The following HNRNPC variants were observed in gnomAD, a reference collection of about 807,000 sequenced individuals.
The protein encoded by HNRNPC is heterogeneous nuclear ribonucleoproteins C1/C2.
HNRNPC carries 3 observed loss-of-function variants against 33.2 expected under a neutral mutation model. The observed-to-expected ratio is 0.09, with a 90% CI of 0.04 to 0.23. The LOEUF is 0.23. Among genes scored for constraint, HNRNPC ranks in the 10% least tolerant of loss-of-function variants. The pLI is 1.00. For missense variants in HNRNPC, 143 were observed against 366.7 expected (o/e 0.39, Z 4.98); for synonymous variants, 121 against 126.7 (o/e 0.96, Z 0.30).
intron 2 of HNRNPC, among the ~76,000 whole-genome samples, chr14:21,242,234 C>T (rs1258987210): frequency 6.6e-6 from 1 of 152,212 alleles, no homozygotes; most frequent in Non-Finnish European, 1.5e-5. Context: ...CCTGTAATCC[C>T]AGCACTTTGG....
chr14:21,215,652 A>G (rs971180018), intron 5 of HNRNPC, among the ~76,000 whole-genome samples: 3 of 152,164 alleles, frequency 2.0e-5, no homozygotes, highest in Admixed American at 2.0e-4. Context: ...TGTAATCCCA[A>G]CATTTTGGGA....
At chr14:21,239,530 A>G (rs1040427649) in intron 2 of HNRNPC, among the ~76,000 whole-genome samples, 1 of 152,032 alleles carries the variant, frequency 6.6e-6, no homozygotes, top group African/African-American at 2.4e-5. Flanking sequence ...TTTCTTTCTT[A>G]AACTCAACAT....
At chr14:21,212,091 G>A (rs1438303660) in intron 6 of HNRNPC, 168 bp from the exon 7 acceptor site, 8 of 591,906 alleles carry the variant, frequency 1.4e-5, no homozygotes, top group African/African-American at 7.5e-5. Context: ...TATAAAGCAC[G>A]TTCTGTAATG....
chr14:21,215,101 A>G (rs1490378345), intron 5 of HNRNPC, among the ~76,000 whole-genome samples: 1 of 152,224 alleles, frequency 6.6e-6, no homozygotes, highest in Non-Finnish European at 1.5e-5. Flanking sequence ...TCTATGTAAC[A>G]GTCTCATGAA....
chr14:21,247,423 T>A (rs928112304), intron 2 of HNRNPC, among the ~76,000 whole-genome samples: 3 of 152,198 alleles, frequency 2.0e-5, no homozygotes, highest in Non-Finnish European at 4.4e-5. Flanking sequence ...TCGTGACATA[T>A]TTCAATTTTT....
chr14:21,259,498 A>AATACCTC (rs1877807693), intron 2 of HNRNPC, among the ~76,000 whole-genome samples: 1 of 152,166 alleles, frequency 6.6e-6, no homozygotes, highest in South Asian at 2.1e-4. Context: ...ATGTTCCTTG[A>AATACCTC]ATACCTCCAA....
intron 2 of HNRNPC, among the ~76,000 whole-genome samples, chr14:21,238,711 TTC>T (rs1895011737): frequency 6.6e-6 from 1 of 152,160 alleles, no homozygotes; most frequent in Non-Finnish European, 1.5e-5. Context: ...TCTAGAATTT[TTC>T]TTTTTTTAAT....
At chr14:21,212,827 G>A in intron 6 of HNRNPC, 133 bp downstream of exon 6, 1 of 1,155,092 alleles carries the variant, frequency 8.7e-7, no homozygotes, top group South Asian at 1.4e-5. Flanking sequence ...ACAGGCATGA[G>A]CCACCACACA....
At chr14:21,227,377 T>C (rs941487899) in intron 5 of HNRNPC, among the ~76,000 whole-genome samples, 2 of 152,224 alleles carry the variant, frequency 1.3e-5, no homozygotes, top group Admixed American at 6.5e-5. Context: ...TTGCCAGCTA[T>C]TACCTAGTTG....
intron 2 of HNRNPC, among the ~76,000 whole-genome samples, chr14:21,250,803 TAAA>T (rs754006854): frequency 3.3e-5 from 5 of 152,062 alleles, no homozygotes; most frequent in Non-Finnish European, 7.4e-5. Context: ...AGCCAAGTAA[TAAA>T]AAAGGAGTGA....
At chr14:21,236,885 A>G (rs1894751658) in intron 2 of HNRNPC, among the ~76,000 whole-genome samples, 1 of 152,182 alleles carries the variant, frequency 6.6e-6, no homozygotes, top group Admixed American at 6.5e-5. Flanking sequence ...TTTAAATCAA[A>G]ATTCCAAAAT....
chr14:21,221,823 A>G lies in HNRNPC; in HGVS notation c.365+8496T>C, dbSNP rs143593384. On this transcript the variant is annotated intron_variant, in intron 5 of 8. Transcript: ENST00000553300. ...TCAGCACTTTGAGGCCGAGGCAGGC[A>G]GATCACGAGGTCAGGAGATCAAGAC... Among the ~76,000 whole-genome samples, 70 of 152,232 alleles carry G rather than the reference A, an allele frequency of 4.6e-4. 1 individual carries two copies. Among genetic ancestry groups the G allele is most frequent in the African/African-American group, 1.6e-3 (65 of 41,550 alleles).
In HNRNPC at chr14:21,234,299, A is replaced by G. The variant is rs1894427707; in HGVS notation, c.-36-70T>C. The G allele has an allele frequency of 3.6e-6, 5 of 1,371,472 alleles. No homozygotes were observed. The East Asian group carries it at 9.4e-5, about 26-fold the overall frequency. The allele number at this position is 1,371,472 out of a possible 1,614,324, so 85.0% of individuals were successfully genotyped here. On this transcript the variant is annotated intron_variant, in intron 2 of 8. Coordinates refer to ENST00000553300, the MANE Select transcript of HNRNPC (RefSeq NM_004500.4). ...AATATTCCTTGATAAAACATTCTCC[A>G]CTCTCACTCTGAATCACTGTTAACT...
intron 2 of HNRNPC, among the ~76,000 whole-genome samples, chr14:21,246,365 C>G (rs1895979335): frequency 6.6e-6 from 1 of 152,032 alleles, no homozygotes; most frequent in Admixed American, 6.6e-5. Context: ...CAAGACCATG[C>G]TGGCTAACAT....
chr14:21,256,131 A>G (rs1401939392), intron 2 of HNRNPC, among the ~76,000 whole-genome samples: 2 of 152,168 alleles, frequency 1.3e-5, no homozygotes, highest in Non-Finnish European at 2.9e-5. Flanking sequence ...GGCAGCCATT[A>G]GGTTGTTTGT....
Position 21,212,752 on chromosome 14 carries a change from C to A in HNRNPC, c.523+208G>T, listed in dbSNP as rs1891757766. ...AGAGATGGGGTTCCTCCATGTTGGACAGGCTGGTCTTGAACTCCTGACCTC... is the reference window on the plus strand; with the variant it reads ...AGAGATGGGGTTCCTCCATGTTGGAAAGGCTGGTCTTGAACTCCTGACCTC... On this transcript the variant is annotated intron_variant, in intron 6 of 8. Transcript: ENST00000553300. 2.0e-5 allele frequency among the ~76,000 whole-genome samples: 3 copies of A among 152,136 alleles called. No homozygotes were observed. The South Asian group carries it at 6.2e-4, about 32-fold the overall frequency.
At chr14:21,232,501 C>T (rs1047218079) in intron 3 of HNRNPC, among the ~76,000 whole-genome samples, 11 of 151,980 alleles carry the variant, frequency 7.2e-5, no homozygotes, top group African/African-American at 2.7e-4. Flanking sequence ...TCCTGAGCGG[C>T]TGGGATTACC....
chr14:21,261,304 C>T (rs966827505), intron 2 of HNRNPC, among the ~76,000 whole-genome samples: 2 of 152,144 alleles, frequency 1.3e-5, no homozygotes, highest in Non-Finnish European at 2.9e-5. Flanking sequence ...GTAGAATTAA[C>T]AAGGAATAAA....
chr14:21,250,997 C>CA (rs1896588762), intron 2 of HNRNPC, among the ~76,000 whole-genome samples: 1 of 152,148 alleles, frequency 6.6e-6, no homozygotes. Flanking sequence ...CGCGGTGGCT[C>CA]ACGCCTGTAA....
Sources: gnomAD v4.1 joint callset for allele counts (sites outside exome capture counted in the v4.1 genomes callset) on GRCh38, gnomAD v4.1.1 for gene constraint, MANE v1.5 for transcripts, NCBI Gene and HGNC (gene_info 2026-07-23, HGNC 2026-07-21) for gene names.